Variants in KLF12 observed in about 807,000 individuals in gnomAD.
KLF12 encodes KLF transcription factor 12, also known as Krueppel-like factor 12.
In KLF12, 9 loss-of-function variants were observed where a neutral mutation model predicts 37.8. The observed-to-expected ratio is 0.24, with a 90% confidence interval of 0.14 to 0.42. The LOEUF is 0.42. Among genes scored for constraint, KLF12 ranks in the 10% least tolerant of loss-of-function variants. The pLI is 1.00. For synonymous variants in KLF12, 208 were observed against 202.1 expected (o/e 1.03, Z -0.25); for missense variants, 411 against 516.0 (o/e 0.80, Z 1.97).
intron 3 of KLF12, among the ~76,000 whole-genome samples, chr13:73,869,052 T>C (rs550895645): frequency 6.6e-6 from 1 of 152,340 alleles, no homozygotes; most frequent in South Asian, 2.1e-4. Context: ...GTTAGTTACA[T>C]ATATCTGTGT....
At chr13:73,796,714 A>G (rs1242620539) in intron 5 of KLF12, among the ~76,000 whole-genome samples, 5 of 152,202 alleles carry the variant, frequency 3.3e-5, no homozygotes, top group Non-Finnish European at 7.3e-5. Context: ...CCCCTTCTTC[A>G]GTATTTACCT....
the KLF12 span, among the ~76,000 whole-genome samples, chr13:74,146,840 G>A: frequency 2.3e-3 from 352 of 152,308 alleles, 2 homozygotes; most frequent in African/African-American, 8.0e-3. Context: ...AAGTTAACTT[G>A]TTTCCAAGAT....
chr13:73,806,278 A>G (rs1025851321), intron 5 of KLF12, among the ~76,000 whole-genome samples: 2 of 151,600 alleles, frequency 1.3e-5, no homozygotes, highest in Non-Finnish European at 2.9e-5. Flanking sequence ...TAATTTTTCT[A>G]TATTTAGTAG....
chr13:74,011,352 C>G (rs761829048), intron 1 of KLF12, among the ~76,000 whole-genome samples: 1 of 151,968 alleles, frequency 6.6e-6, no homozygotes, highest in East Asian at 1.9e-4. Context: ...TCACTGACCA[C>G]CAGGCCCATG....
the KLF12 span, among the ~76,000 whole-genome samples, chr13:74,151,487 C>CA: frequency 5.3e-3 from 799 of 151,368 alleles, 9 homozygotes; most frequent in African/African-American, 0.018. Flanking sequence ...CCTGTGTCTA[C>CA]AAAAAAAACA....
intron 1 of KLF12, among the ~76,000 whole-genome samples, chr13:74,043,306 T>C (rs1165360309): frequency 6.6e-6 from 1 of 152,190 alleles, no homozygotes; most frequent in Non-Finnish European, 1.5e-5. Context: ...TGAGTAAATA[T>C]GGTTATGGGG....
the KLF12 span, among the ~76,000 whole-genome samples, chr13:74,247,947 G>C: frequency 3.3e-4 from 50 of 152,318 alleles, 2 homozygotes; most frequent in South Asian, 9.9e-3. Context: ...TGGGGGCCAA[G>C]GGACTACCAG....
chr13:74,090,881 T>C (rs552318266), intron 1 of KLF12, among the ~76,000 whole-genome samples: 5 of 145,708 alleles, frequency 3.4e-5, no homozygotes, highest in African/African-American at 7.7e-5. Flanking sequence ...AAAATAAAAA[T>C]AAAATTTGTA....
intron 4 of KLF12, among the ~76,000 whole-genome samples, chr13:73,825,109 G>A (rs1021076451): frequency 2.6e-5 from 4 of 151,882 alleles, no homozygotes; most frequent in African/African-American, 9.7e-5. Flanking sequence ...TCTGTGTTTT[G>A]GAGTTTGTTA....
chr13:73,961,872 C>T (rs1434684219), intron 2 of KLF12: 2 of 387,246 alleles, frequency 5.2e-6, no homozygotes, highest in Non-Finnish European at 1.0e-5. Flanking sequence ...TGTGGAGCAA[C>T]AGGAACTCTC....
At chr13:74,163,974 G>A in the KLF12 span, among the ~76,000 whole-genome samples, 1 of 151,732 alleles carries the variant, frequency 6.6e-6, no homozygotes, top group African/African-American at 2.4e-5. Context: ...ATAAGAATAA[G>A]GACAGAAAAT....
At chr13:74,214,403 C>T in the KLF12 span, among the ~76,000 whole-genome samples, 122 of 152,238 alleles carry the variant, frequency 8.0e-4, no homozygotes, top group African/African-American at 2.9e-3. Flanking sequence ...CAGTGTCTTC[C>T]TGTATTTTAG....
rs540583319 is a variant in KLF12 at position 73,833,741 on chromosome 13, C to T, written c.670+12086G>A. On this transcript the variant is annotated intron_variant, in intron 4 of 7. Transcript: ENST00000377669. ...AGGTAGAATGTCACCTGAAGGGCCACGCAACATGGCTGGGACGTGAGATGT... is the reference window on the plus strand; with the variant it reads ...AGGTAGAATGTCACCTGAAGGGCCATGCAACATGGCTGGGACGTGAGATGT... Among the ~76,000 whole-genome samples, 82 of 152,198 alleles carry T rather than the reference C, an allele frequency of 5.4e-4. No homozygotes were observed. The South Asian group carries it at 5.6e-3, about 10-fold the overall frequency.
At chr13:74,252,161 G>C in the KLF12 span, among the ~76,000 whole-genome samples, 1 of 152,140 alleles carries the variant, frequency 6.6e-6, no homozygotes, top group Non-Finnish European at 1.5e-5. Flanking sequence ...TCCCTTAGTT[G>C]TTAAGAAACT....
intron 1 of KLF12, among the ~76,000 whole-genome samples, chr13:74,113,223 A>G (rs1292396571): frequency 6.6e-6 from 1 of 152,252 alleles, no homozygotes; most frequent in East Asian, 1.9e-4. Context: ...AAGCTGCAAC[A>G]AGTTATCCGG....
intron 3 of KLF12, among the ~76,000 whole-genome samples, chr13:73,914,359 G>C (rs1038244698): frequency 1.1e-4 from 16 of 152,132 alleles, no homozygotes; most frequent in Admixed American, 3.3e-4. Context: ...ATCAGCAGGG[G>C]GTGGTTGTGC....
In KLF12 at chr13:74,084,074, T is replaced by C. The variant is rs76544455; in HGVS notation, c.-32+49665A>G. 1.1e-3 allele frequency among the ~76,000 whole-genome samples: 174 copies of C among 152,320 alleles called. 5 individuals are homozygous for C. The East Asian group carries it at 0.028, about 25-fold the overall frequency. On this transcript the variant is annotated intron_variant, in intron 1 of 7. Coordinates refer to ENST00000377669, the MANE Select transcript of KLF12 (RefSeq NM_007249.5). ...AATAATAAAATCATCTATTTTAATG[T>C]TACCGAACAAGTACGTGAGGTTCAC...
intron 4 of KLF12, among the ~76,000 whole-genome samples, chr13:73,817,382 G>A (rs1237480292): frequency 4.6e-5 from 7 of 150,988 alleles, no homozygotes; most frequent in African/African-American, 1.7e-4. Context: ...GACAAGACTT[G>A]CTATTTTATT....
At chr13:74,139,924 C>T in the KLF12 span, among the ~76,000 whole-genome samples, 2 of 151,602 alleles carry the variant, frequency 1.3e-5, no homozygotes, top group African/African-American at 2.4e-5. Context: ...TTTAATTCCA[C>T]TAAAGTTTAT....
Sources: allele counts gnomAD v4.1 joint callset (sites outside exome capture counted in the v4.1 genomes callset), GRCh38; gene constraint gnomAD v4.1.1; transcripts MANE v1.5; gene names NCBI Gene and HGNC (gene_info 2026-07-23, HGNC 2026-07-21).